Variants in DOCK2 observed in about 807,000 individuals in gnomAD.
The protein encoded by DOCK2 is dedicator of cytokinesis 2, also known as dedicator of cytokinesis protein 2.
A neutral mutation model predicts 248.9 loss-of-function variants in DOCK2; 87 were observed. The ratio of observed to expected loss-of-function variants is 0.35; its 90% CI spans 0.29 to 0.42. The LOEUF (loss-of-function observed/expected upper bound fraction) is 0.42, where lower values mean the gene tolerates loss of function less well. DOCK2 is among the 10% of genes least tolerant of loss of function. The pLI, the probability that DOCK2 is intolerant of heterozygous loss-of-function variation, is 1.00. For missense variants in DOCK2, 1,747 were observed against 2,300.2 expected (o/e 0.76, Z 4.92); for synonymous variants, 805 against 821.6 (o/e 0.98, Z 0.35).
intron 27 of DOCK2, chr5:169,864,153 G>T: frequency 1.1e-6 from 1 of 897,282 alleles, no homozygotes; most frequent in Non-Finnish European, 1.7e-6. Flanking sequence ...CTGTTTCACA[G>T]GCCAAGGGGC....
chr5:169,963,244 A>G (rs551365630), intron 27 of DOCK2, among the ~76,000 whole-genome samples: 2 of 152,286 alleles, frequency 1.3e-5, no homozygotes, highest in Admixed American at 6.5e-5. Context: ...GTTTATGTCC[A>G]TGAACTGATG....
chr5:169,987,962 G>C (rs1778113233), intron 29 of DOCK2, among the ~76,000 whole-genome samples: 1 of 152,108 alleles, frequency 6.6e-6, no homozygotes, highest in Non-Finnish European at 1.5e-5. Context: ...TGGGGATAAT[G>C]GTAGTTTCTA....
At chr5:169,650,520 C>G (rs1581382872) in intron 1 of DOCK2, among the ~76,000 whole-genome samples, 1 of 152,234 alleles carries the variant, frequency 6.6e-6, no homozygotes, top group East Asian at 1.9e-4. Flanking sequence ...TTTACTTTCA[C>G]CTTAGCTCCC....
At chr5:169,689,361 G>A (rs749968847) in intron 9 of DOCK2, 28 bp downstream of exon 9, 23 of 1,611,848 alleles carry the variant, frequency 1.4e-5, no homozygotes, top group Admixed American at 6.7e-5. Context: ...TCTCGTTACC[G>A]TGCTCCCCAA....
At position 169,708,225 on chromosome 5, in the gene DOCK2, G is replaced by T. The variant is rs751428313; in HGVS notation, c.1440G>T (p.Val480=). 6.2e-7 allele frequency: 1 copy of T among 1,613,970 alleles called. No homozygotes were observed. Among genetic ancestry groups the T allele is most frequent in the Admixed American group, 1.7e-5 (1 of 60,004 alleles). Residue 480 remains valine, a synonymous_variant, in exon 15 of 52, where the codon GTG becomes GTT. Transcript: ENST00000520908. ...DKPMNEYRSV[V]YYQVKQPRWM... ...CCATGAATGAGTATCGCTCCGTTGT[G>T]TACTATCAAGTCAAACAGCCACGCT...
intron 26 of DOCK2, among the ~76,000 whole-genome samples, chr5:169,806,219 GTT>G (rs36108162): frequency 4.1e-5 from 5 of 122,540 alleles, no homozygotes; most frequent in South Asian, 2.7e-4. Flanking sequence ...CACCTCGAGA[GTT>G]TTTTTTTTTT....
chr5:169,809,210 C>T (rs35020645), intron 26 of DOCK2, among the ~76,000 whole-genome samples: 43,084 of 151,958 alleles, frequency 0.28, 6,184 homozygotes, highest in Admixed American at 0.31. Flanking sequence ...AGGCTGGTCC[C>T]GAACTCCTGA....
chr5:169,811,760 G>A (rs1012136463), intron 26 of DOCK2, among the ~76,000 whole-genome samples: 4 of 152,110 alleles, frequency 2.6e-5, no homozygotes, highest in Admixed American at 2.6e-4. Flanking sequence ...TGGCGAGGAG[G>A]CTGAGTCTCA....
rs1317537428 is a variant in DOCK2, at chr5:170,027,873, A to G, written c.3392A>G (p.Glu1131Gly). 6.2e-7 allele frequency: 1 copy of G among 1,612,688 alleles called. No individual in the cohort carries two copies. Among genetic ancestry groups the G allele is most frequent in the African/African-American group, 1.3e-5 (1 of 74,850 alleles). ...CTCCTACATCTTCAGTTTGAAAACG[A>G]AATCATCCTGAAGCTGGACCACGAG... is the stretch of plus-strand genomic sequence containing the variant. ...RSGDFKKFENEIILKLDHEVE... is the reference protein window; with the variant it reads ...RSGDFKKFENGIILKLDHEVE... Residue 1131 changes from glutamate to glycine, a missense_variant, in exon 34 of 52, where the codon GAA becomes GGA. Physicochemically the swap from Glu to Gly is moderately conservative, Grantham distance 98. Around this residue, in one of 4 missense-constraint regions of DOCK2, gnomAD observed 858 missense variants for 1,183.5 expected, o/e 0.72. Transcript: ENST00000520908.
chr5:169,658,577 T>C (rs1398931972), intron 2 of DOCK2, among the ~76,000 whole-genome samples: 1 of 151,992 alleles, frequency 6.6e-6, no homozygotes, highest in Non-Finnish European at 1.5e-5. Flanking sequence ...TCTTTTTATC[T>C]CTCTGTCATT....
At chr5:170,022,488 T>A (rs761317912) in intron 33 of DOCK2, among the ~76,000 whole-genome samples, 6 of 152,078 alleles carry the variant, frequency 3.9e-5, no homozygotes, top group Non-Finnish European at 8.8e-5. Context: ...CTCATGAGTG[T>A]AGCACTTCAT....
intron 8 of DOCK2, among the ~76,000 whole-genome samples, chr5:169,684,869 G>A (rs544921910): frequency 9.2e-5 from 14 of 152,244 alleles, no homozygotes; most frequent in Admixed American, 2.6e-4. Context: ...GTCTGGTGTC[G>A]AACTCTTGGC....
At chr5:169,979,505 G>T (rs1006694666) in intron 27 of DOCK2, among the ~76,000 whole-genome samples, 1 of 152,154 alleles carries the variant, frequency 6.6e-6, no homozygotes, top group Non-Finnish European at 1.5e-5. Context: ...ATGACAGAAA[G>T]GAGACTTTTC....
intron 6 of DOCK2, among the ~76,000 whole-genome samples, chr5:169,680,970 G>A (rs1322822407): frequency 6.6e-6 from 1 of 151,816 alleles, no homozygotes; most frequent in African/African-American, 2.4e-5. Flanking sequence ...TATGCACACT[G>A]TATGCATCTT....
chr5:169,755,805 A>G (rs577897626), intron 23 of DOCK2, among the ~76,000 whole-genome samples: 1 of 152,204 alleles, frequency 6.6e-6, no homozygotes, highest in South Asian at 2.1e-4. Flanking sequence ...AGTTCCCAGG[A>G]TAGAAACATG....
intron 22 of DOCK2, among the ~76,000 whole-genome samples, chr5:169,745,895 C>T (rs1048382966): frequency 1.3e-5 from 2 of 151,960 alleles, no homozygotes; most frequent in African/African-American, 4.8e-5. Context: ...TGTGTAAAAG[C>T]CGGGGTGGGG....
At chr5:169,959,119 A>G (rs1310258056) in intron 27 of DOCK2, among the ~76,000 whole-genome samples, 2 of 151,626 alleles carry the variant, frequency 1.3e-5, no homozygotes, top group African/African-American at 2.4e-5. Flanking sequence ...CTGGCTGGGC[A>G]TGGTGGCTCA....
chr5:169,819,283 C>A (rs1768267024), intron 26 of DOCK2, among the ~76,000 whole-genome samples: 1 of 152,202 alleles, frequency 6.6e-6, no homozygotes, highest in Non-Finnish European at 1.5e-5. Flanking sequence ...GCACTCCAGC[C>A]TGGGCAACAA....
At chr5:169,948,554 C>A (rs189919180) in intron 27 of DOCK2, among the ~76,000 whole-genome samples, 18 of 151,968 alleles carry the variant, frequency 1.2e-4, no homozygotes, top group Admixed American at 1.2e-3. Flanking sequence ...TTTCATAGAT[C>A]TCTCTTTATC....
Sources: allele counts gnomAD v4.1 joint callset (sites outside exome capture counted in the v4.1 genomes callset), GRCh38; gene constraint gnomAD v4.1.1; regional missense constraint gnomAD v4.1.1; transcripts MANE v1.5; gene names NCBI Gene and HGNC (gene_info 2026-07-23, HGNC 2026-07-21).